The following BTG2 variants were observed in gnomAD, a reference collection of about 807,000 sequenced individuals.
BTG2 encodes BTG anti-proliferation factor 2.
In BTG2, 9 loss-of-function variants were observed where a neutral mutation model predicts 13.1. The observed-to-expected ratio is 0.69, with a 90% confidence interval of 0.41 to 1.20. The LOEUF is 1.20. Among genes scored for constraint, BTG2 ranks in the 50% most tolerant of loss-of-function variants. The pLI, the probability that BTG2 is intolerant of heterozygous loss-of-function variation, is 0.00. For missense variants in BTG2, 200 were observed against 209.5 expected (o/e 0.95, Z 0.28); for synonymous variants, 92 against 88.6 (o/e 1.04, Z -0.21).
chr1:203,308,593 C>T lies in BTG2; in HGVS notation c.*1155C>T, dbSNP rs1571502445. The T allele has an allele frequency of 1.3e-5, 2 of 152,748 alleles. 1 individual carries two copies. The highest frequency in any genetic ancestry group is 6.8e-3 in the Middle Eastern group (2 of 296). 9.5% of individuals were successfully genotyped at this position (152,748 alleles called of 1,614,324 possible). A position where few individuals can be genotyped will look rare whatever the true frequency, so the allele number is the denominator to read the frequency against. The stretch of plus-strand genomic sequence containing the variant: ...TGGGCTTAGGGAACCATCTCTCCTG[C>T]TCTCCTTGGGATGATGGCTGGCTAG... On this transcript the variant is annotated 3_prime_UTR_variant, in exon 2 of 2. Transcript: ENST00000290551.
chr1:203,305,623 G>A lies in BTG2; in HGVS notation c.17G>A (p.Gly6Glu). The A allele has an allele frequency of 2.5e-6, 4 of 1,600,792 alleles. No homozygotes were observed. The highest frequency in any genetic ancestry group is 3.4e-6 in the Non-Finnish European group (4 of 1,174,042). MSHGK[G>E]TDMLPEIAAA... ...GCGCGCGACATGAGCCACGGGAAGG[G>A]AACCGACATGCTCCCGGAGATCGCC... is the stretch of plus-strand genomic sequence containing the variant. The change falls in exon 1 of 2, where the codon GGA becomes GAA. Residue 6 changes from glycine (G) to glutamate (E), a missense_variant. Gly to Glu is a moderately conservative substitution (Grantham distance 98). Transcript: ENST00000290551.
chr1:203,306,564 C>T (rs1658279324), intron 1 of BTG2, among the ~76,000 whole-genome samples: 1 of 152,102 alleles, frequency 6.6e-6, no homozygotes, highest in African/African-American at 2.4e-5. Flanking sequence ...AAGGAAGGTT[C>T]TCTGACTCTT....
Position 203,309,472 on chromosome 1 carries a change from G to T in BTG2, c.*2034G>T, listed in dbSNP as rs1313116199. The T allele has an allele frequency of 6.6e-6, 1 of 152,650 alleles. No homozygotes were observed. Among genetic ancestry groups the T allele is most frequent in the Non-Finnish European group, 1.5e-5 (1 of 68,036 alleles). 9.5% of individuals were successfully genotyped at this position (152,650 alleles called of 1,614,324 possible). A position where few individuals can be genotyped will look rare whatever the true frequency, so the allele number is the denominator to read the frequency against. ...AAGTAAAAATAAATAGTAGTAGTAT[G>T]TTTGTAAGCTATTCTGACAGAAAAG... On this transcript the variant is annotated 3_prime_UTR_variant, in exon 2 of 2. Coordinates refer to ENST00000290551, the MANE Select transcript of BTG2 (RefSeq NM_006763.3).
At position 203,305,575 on chromosome 1, in the gene BTG2, A is replaced by G; in HGVS notation, c.-32A>G. 6.3e-7 allele frequency: 1 copy of G among 1,593,164 alleles called. No individual in the cohort carries two copies. Among genetic ancestry groups the G allele is most frequent in the Non-Finnish European group, 8.6e-7 (1 of 1,169,152 alleles). On this transcript the variant is annotated 5_prime_UTR_variant, in exon 1 of 2. Transcript: ENST00000290551. ...CTTGTGGACCCGCACTTCCCACCCG[A>G]GACCTCTCACTGAGCCCGAGCCGCG...
At chr1:203,306,760 C>CT in intron 1 of BTG2, among the ~76,000 whole-genome samples, 1 of 147,290 alleles carries the variant, frequency 6.8e-6, no homozygotes, top group Admixed American at 6.8e-5. Context: ...ACACTGGCCA[C>CT]TAGAGAGTAC....
intron 1 of BTG2, among the ~76,000 whole-genome samples, chr1:203,306,848 TCACACACACACACACA>T (rs56272333): frequency 4.6e-5 from 6 of 131,394 alleles, no homozygotes; most frequent in Non-Finnish European, 7.9e-5. Context: ...ACACACTCAG[TCACACACACACACACA>T]CACACACACA....
At chr1:203,306,498 G>A (rs1658277591) in intron 1 of BTG2, among the ~76,000 whole-genome samples, 1 of 152,054 alleles carries the variant, frequency 6.6e-6, no homozygotes, top group Non-Finnish European at 1.5e-5. Context: ...CCTGCCTTCT[G>A]AGGAAAACAG....
intron 1 of BTG2, among the ~76,000 whole-genome samples, chr1:203,306,151 AGTCGAGC>A: frequency 6.6e-6 from 1 of 152,278 alleles, no homozygotes; most frequent in Admixed American, 6.5e-5. Context: ...AAGAAGGTGC[AGTCGAGC>A]CTTTTCAACA....
chr1:203,307,017 TC>T (rs1658294278), intron 1 of BTG2, 86 bp from the exon 2 acceptor site: 1 of 1,180,618 alleles, frequency 8.5e-7, no homozygotes. Context: ...TCTCCTCCTG[TC>T]CCTTGACCCT....
rs1238276835 is a variant in BTG2, at chr1:203,307,210, C to G, written c.249C>G (p.Ser83Arg). Reference sequence around the variant, plus strand: ...ACCCCATCATCAGCAGGGTGGCCAGCCAGATCGGACTCAGCCAGCCCCAGC... The same window carrying G: ...ACCCCATCATCAGCAGGGTGGCCAGGCAGATCGGACTCAGCCAGCCCCAGC... ...KMDPIISRVA[S>R]QIGLSQPQLH... The change falls in exon 2 of 2, where the codon AGC (serine) becomes AGG (arginine). Residue 83 changes from serine to arginine, a missense_variant. Coordinates refer to ENST00000290551, the MANE Select transcript of BTG2 (RefSeq NM_006763.3). The G allele has an allele frequency of 6.2e-7, 1 of 1,614,238 alleles. No homozygotes were observed.
chr1:203,305,599 C>T lies in BTG2; in HGVS notation c.-8C>T, dbSNP rs1473605496. ...GAGACCTCTCACTGAGCCCGAGCCG[C>T]GCGCGACATGAGCCACGGGAAGGGA... On this transcript the variant is annotated 5_prime_UTR_variant, in exon 1 of 2. Coordinates refer to ENST00000290551, the MANE Select transcript of BTG2 (RefSeq NM_006763.3). The T allele has an allele frequency of 1.2e-6, 2 of 1,601,816 alleles. No individual in the cohort carries two copies. The highest frequency in any genetic ancestry group is 1.7e-5 in the Admixed American group (1 of 59,154).
In BTG2 at chr1:203,308,318, T is replaced by A. The variant is rs187962637; in HGVS notation, c.*880T>A. ...TCTTCCTTTTGGAACCACATGAAAG[T>A]CTTGATGCTGCTGCCATGATCCCTT... On this transcript the variant is annotated 3_prime_UTR_variant, in exon 2 of 2. Transcript: ENST00000290551. The A allele has an allele frequency of 6.5e-6, 1 of 152,736 alleles. No homozygotes were observed. Among genetic ancestry groups the A allele is most frequent in the Non-Finnish European group, 1.5e-5 (1 of 68,028 alleles). 9.5% of individuals were successfully genotyped at this position (152,736 alleles called of 1,614,324 possible).
At chr1:203,305,896 T>C (rs1658249553) in intron 1 of BTG2, 148 bp downstream of exon 1, 2 of 1,140,086 alleles carry the variant, frequency 1.8e-6, no homozygotes, top group Non-Finnish European at 2.4e-6. Flanking sequence ...CGGCCCGCAG[T>C]CCCCAGTTTC....
In BTG2 at chr1:203,309,161, A is replaced by G. The variant is rs1045104382; in HGVS notation, c.*1723A>G. ...AGCTCTGCCTCCTTTTCAACTCTCC[A>G]CATTTTGTATTGCCTTCCCAGACCT... On this transcript the variant is annotated 3_prime_UTR_variant, in exon 2 of 2. Coordinates refer to ENST00000290551, the MANE Select transcript of BTG2 (RefSeq NM_006763.3). 6.6e-6 allele frequency: 1 copy of G among 152,478 alleles called. No individual in the cohort carries two copies. Among genetic ancestry groups the G allele is most frequent in the Non-Finnish European group, 1.5e-5 (1 of 68,030 alleles). 9.4% of individuals were successfully genotyped at this position (152,478 alleles called of 1,614,324 possible).
At chr1:203,306,188 T>C (rs1658267003) in intron 1 of BTG2, among the ~76,000 whole-genome samples, 1 of 152,150 alleles carries the variant, frequency 6.6e-6, no homozygotes, top group African/African-American at 2.4e-5. Flanking sequence ...CCCAGTGCGG[T>C]TCTTCCTGCC....
Position 203,307,087 on chromosome 1 carries a change from T to C in BTG2, c.143-17T>C, listed in dbSNP as rs57122004. ...CTGCTCTAACCAGGGCATCTGCCCC[T>C]GGTCCTGTCTCCACAGAGCACTACA... is the stretch of plus-strand genomic sequence containing the variant. On this transcript the variant is annotated splice_polypyrimidine_tract_variant and intron_variant, in intron 1 of 1. Coordinates refer to ENST00000290551, the MANE Select transcript of BTG2 (RefSeq NM_006763.3). 3.7e-3 allele frequency: 5,921 copies of C among 1,609,172 alleles called. 153 individuals carry two copies. In the African/African-American group the frequency reaches 0.062, roughly 17 times the overall value.
intron 1 of BTG2, among the ~76,000 whole-genome samples, chr1:203,306,804 A>G (rs1169035053): frequency 6.8e-5 from 9 of 131,438 alleles, no homozygotes; most frequent in East Asian, 6.4e-4. Context: ...CAACACGCAC[A>G]CACACACACA....
intron 1 of BTG2, among the ~76,000 whole-genome samples, chr1:203,306,187 G>T (rs1231256142): frequency 1.3e-5 from 2 of 152,304 alleles, no homozygotes; most frequent in African/African-American, 4.8e-5. Flanking sequence ...TCCCAGTGCG[G>T]TTCTTCCTGC....
At chr1:203,306,697 A>T (rs1197837209) in intron 1 of BTG2, among the ~76,000 whole-genome samples, 5 of 151,964 alleles carry the variant, frequency 3.3e-5, no homozygotes, top group Admixed American at 3.3e-4. Flanking sequence ...CTGCCTGGAC[A>T]TGCCAGTCCC....
Sources: allele counts gnomAD v4.1 joint callset (sites outside exome capture counted in the v4.1 genomes callset), GRCh38; gene constraint gnomAD v4.1.1; transcripts MANE v1.5; gene names NCBI Gene and HGNC (gene_info 2026-07-23, HGNC 2026-07-21).